Variants in EPHB1 observed in about 807,000 individuals in gnomAD.
EPHB1 encodes the protein ephrin type-B receptor 1.
A neutral mutation model predicts 94.4 loss-of-function variants in EPHB1; 30 were observed. The observed-to-expected ratio is 0.32, with a 90% CI of 0.24 to 0.43. EPHB1 has a LOEUF of 0.43. Among genes scored for constraint, EPHB1 ranks in the 20% least tolerant of loss-of-function variants. The probability of loss-of-function intolerance (pLI) is 1.00; values close to 1 mark genes in which losing one functional copy is unlikely to be tolerated. For missense variants in EPHB1, 1,055 were observed against 1,308.3 expected (o/e 0.81, Z 2.99); for synonymous variants, 522 against 489.1 (o/e 1.07, Z -0.89).
chr3:135,096,317 G>A (rs552603906), intron 3 of EPHB1, among the ~76,000 whole-genome samples: 8 of 152,320 alleles, frequency 5.3e-5, no homozygotes, highest in African/African-American at 7.2e-5. Flanking sequence ...CAGCTAGAAC[G>A]TGGAAGTTTT....
chr3:135,155,957 A>G (rs1005025177), intron 6 of EPHB1, among the ~76,000 whole-genome samples: 2 of 151,984 alleles, frequency 1.3e-5, no homozygotes. Context: ...ATTAACGAGG[A>G]TGATGGTGTA....
rs904442404 is a variant in EPHB1 at position 135,248,473 on chromosome 3, C to T, written c.2654C>T (p.Pro885Leu). Residue 885 changes from proline to leucine, a missense_variant, in exon 14 of 16, where the codon CCG becomes CTG. Transcript: ENST00000398015. ...VNTLDKMIRN[P>L]ASLKTVATIT... ...ACCCTAGATAAGATGATCCGGAACC[C>T]GGCAAGTCTCAAGACTGTGGCAACC... 13 of 1,612,108 alleles carry T rather than the reference C, an allele frequency of 8.1e-6. No individual in the cohort carries two copies. Among genetic ancestry groups the T allele is most frequent in the African/African-American group, 2.7e-5 (2 of 74,878 alleles).
chr3:135,125,704 C>T (rs1230869242), intron 4 of EPHB1, among the ~76,000 whole-genome samples: 1 of 151,856 alleles, frequency 6.6e-6, no homozygotes, highest in Non-Finnish European at 1.5e-5. Flanking sequence ...TAATGGTCTA[C>T]ATCCCTGACA....
At chr3:135,106,972 A>G (rs1466102531) in intron 4 of EPHB1, among the ~76,000 whole-genome samples, 1 of 152,232 alleles carries the variant, frequency 6.6e-6, no homozygotes, top group African/African-American at 2.4e-5. Flanking sequence ...AGAATCTCCT[A>G]TCTCTTTGCT....
In EPHB1 at chr3:135,254,064, G is replaced by C. The variant is rs551868693; in HGVS notation, c.2846+4573G>C. Among the ~76,000 whole-genome samples the C allele has an allele frequency of 3.8e-5, 4 of 106,192 alleles. No individual in the cohort carries two copies. The South Asian group carries it at 1.3e-3, about 35-fold the overall frequency. 69.7% of individuals were successfully genotyped at this position (106,192 alleles called of 152,430 possible). A position where few individuals can be genotyped will look rare whatever the true frequency, so the allele number is the denominator to read the frequency against. On this transcript the variant is annotated intron_variant, in intron 15 of 15. Coordinates refer to ENST00000398015, the MANE Select transcript of EPHB1 (RefSeq NM_004441.5). ...CTTGTGATTTTTGTACATTGATTTT[G>C]TATCCTGAGACTTTGCTGAAGTTGC...
At chr3:135,165,363 G>A (rs901294432) in intron 7 of EPHB1, among the ~76,000 whole-genome samples, 1 of 152,162 alleles carries the variant, frequency 6.6e-6, no homozygotes, top group African/African-American at 2.4e-5. Flanking sequence ...TCTATGACCC[G>A]TAGGCTTCCC....
chr3:135,083,498 T>C (rs1246346449), intron 3 of EPHB1, among the ~76,000 whole-genome samples: 2 of 151,614 alleles, frequency 1.3e-5, no homozygotes, highest in African/African-American at 4.8e-5. Context: ...ACAGGAAAAG[T>C]CCAATAGACA....
intron 3 of EPHB1, among the ~76,000 whole-genome samples, chr3:135,022,780 T>G (rs1936028367): frequency 2.0e-5 from 3 of 152,238 alleles, no homozygotes; most frequent in African/African-American, 4.8e-5. Flanking sequence ...TAGAGAACTT[T>G]GCATTTAAAT....
intron 12 of EPHB1, 108 bp downstream of exon 12, chr3:135,201,797 T>C (rs1942764525): frequency 9.3e-7 from 1 of 1,075,634 alleles, no homozygotes; most frequent in East Asian, 2.6e-5. Flanking sequence ...GAACCTGAAC[T>C]GAGCTCTCCA....
chr3:135,239,283 C>T (rs894223782), intron 12 of EPHB1, among the ~76,000 whole-genome samples: 8 of 127,454 alleles, frequency 6.3e-5, no homozygotes, highest in African/African-American at 2.3e-4. Flanking sequence ...TTGCTGTTTG[C>T]TCCTTTTTTT....
At chr3:134,852,277 C>G (rs1056882197) in intron 1 of EPHB1, among the ~76,000 whole-genome samples, 1 of 152,068 alleles carries the variant, frequency 6.6e-6, no homozygotes, top group Non-Finnish European at 1.5e-5. Flanking sequence ...CCCTGCCACT[C>G]CCACCCTGGC....
At chr3:134,978,876 C>G (rs552177502) in intron 3 of EPHB1, among the ~76,000 whole-genome samples, 38 of 152,314 alleles carry the variant, frequency 2.5e-4, no homozygotes, top group African/African-American at 7.5e-4. Flanking sequence ...ATTGTGGGAC[C>G]TACCCAGTAA....
At chr3:135,090,734 A>AG (rs575427756) in intron 3 of EPHB1, among the ~76,000 whole-genome samples, 99 of 152,340 alleles carry the variant, frequency 6.5e-4, no homozygotes, top group African/African-American at 2.3e-3. Context: ...AGGGCAGTGT[A>AG]GGGGGAAGGG....
intron 5 of EPHB1, among the ~76,000 whole-genome samples, chr3:135,150,321 G>A (rs1466198365): frequency 1.3e-5 from 2 of 152,234 alleles, no homozygotes; most frequent in Non-Finnish European, 2.9e-5. Context: ...TGGAAGGAAA[G>A]AACTGTCAGG....
Position 135,119,177 on chromosome 3 carries a change from T to A in EPHB1, c.961+12574T>A, listed in dbSNP as rs187884945. On this transcript the variant is annotated intron_variant, in intron 4 of 15. Coordinates refer to ENST00000398015, the MANE Select transcript of EPHB1 (RefSeq NM_004441.5). ...ATTTAGTCTTCTGGGAATTGTCTGT[T>A]TATAACCCTTGCCTTTTTCTATATT... Among the ~76,000 whole-genome samples the A allele has an allele frequency of 4.2e-3, 633 of 152,318 alleles. 8 individuals carry two copies. The highest frequency in any genetic ancestry group is 0.014 in the African/African-American group (587 of 41,562).
At chr3:135,233,742 A>G (rs1025175059) in intron 12 of EPHB1, among the ~76,000 whole-genome samples, 6 of 152,184 alleles carry the variant, frequency 3.9e-5, no homozygotes, top group African/African-American at 1.4e-4. Flanking sequence ...AGGCATTTCC[A>G]TACATCCTCT....
chr3:134,957,467 G>A (rs776980087), intron 3 of EPHB1, among the ~76,000 whole-genome samples: 1 of 152,164 alleles, frequency 6.6e-6, no homozygotes, highest in Non-Finnish European at 1.5e-5. Context: ...GGTAGACCAA[G>A]AACAAAGCCT....
chr3:135,188,754 G>A (rs532752302), intron 10 of EPHB1, among the ~76,000 whole-genome samples: 2 of 152,318 alleles, frequency 1.3e-5, no homozygotes, highest in South Asian at 2.1e-4. Context: ...CCTCCCAACT[G>A]TACTCAGGGG....
intron 12 of EPHB1, among the ~76,000 whole-genome samples, chr3:135,232,101 A>G (rs775870134): frequency 6.6e-6 from 1 of 152,196 alleles, no homozygotes; most frequent in Non-Finnish European, 1.5e-5. Context: ...TAGCTGTTAG[A>G]AGCTGGTGAC....
Sources: allele counts gnomAD v4.1 joint callset (sites outside exome capture counted in the v4.1 genomes callset), GRCh38; gene constraint gnomAD v4.1.1; transcripts MANE v1.5; gene names NCBI Gene and HGNC (gene_info 2026-07-23, HGNC 2026-07-21).